Variants in GUCY1A2 observed in about 807,000 individuals in gnomAD.
GUCY1A2 encodes guanylate cyclase soluble subunit alpha-2.
In GUCY1A2, 27 loss-of-function variants were observed where a neutral mutation model predicts 63.5. The ratio of observed to expected loss-of-function variants is 0.43; its 90% CI spans 0.31 to 0.59. The LOEUF (loss-of-function observed/expected upper bound fraction) is 0.59. GUCY1A2 is among the 20% of genes least tolerant of loss of function. The probability of loss-of-function intolerance (pLI) is 0.11; values close to 1 mark genes in which losing one functional copy is unlikely to be tolerated. For missense variants in GUCY1A2, 768 were observed against 913.3 expected, an observed-to-expected ratio of 0.84 and a Z score of 2.05; for synonymous variants, 364 against 343.5, an observed-to-expected ratio of 1.06 and a Z score of -0.66.
chr11:106,953,104 T>A (rs1474043663), intron 3 of GUCY1A2, among the ~76,000 whole-genome samples: 1 of 152,208 alleles, frequency 6.6e-6, no homozygotes, highest in Non-Finnish European at 1.5e-5. Context: ...CCTTGTCTTG[T>A]ACCAGTTTTT....
At position 106,685,292 on chromosome 11, in the gene GUCY1A2, T is replaced by C. The variant is rs1335059662; in HGVS notation, c.*2257A>G. On this transcript the variant is annotated 3_prime_UTR_variant, in exon 8 of 8. Transcript: ENST00000526355. ...GTGATTCTTCTGATAAATTGAGATA[T>C]ATAAATACAATACTTCTCTCCAGGC... The C allele has an allele frequency of 1.5e-5, 3 of 206,204 alleles. No individual in the cohort carries two copies. Among genetic ancestry groups the C allele is most frequent in the East Asian group, 1.5e-4 (2 of 13,478 alleles). The allele number at this position is 206,204 out of a possible 1,614,324, so 12.8% of individuals were successfully genotyped here.
intron 4 of GUCY1A2, among the ~76,000 whole-genome samples, chr11:106,892,123 A>C (rs967174552): frequency 6.6e-6 from 1 of 152,100 alleles, no homozygotes; most frequent in African/African-American, 2.4e-5. Context: ...AGGTATTGGC[A>C]TCCTAAGTAT....
intron 5 of GUCY1A2, among the ~76,000 whole-genome samples, chr11:106,801,850 A>G (rs1260030203): frequency 2.6e-5 from 4 of 152,164 alleles, no homozygotes; most frequent in Non-Finnish European, 5.9e-5. Context: ...TACTCCTACT[A>G]TGTACCCACA....
At chr11:106,709,863 C>T in intron 6 of GUCY1A2, among the ~76,000 whole-genome samples, 1 of 93,868 alleles carries the variant, frequency 1.1e-5, no homozygotes, top group Non-Finnish European at 2.3e-5. Flanking sequence ...ATATTATATA[C>T]ACGTATAGAA....
intron 4 of GUCY1A2, among the ~76,000 whole-genome samples, chr11:106,839,513 A>T (rs1859166244): frequency 6.6e-6 from 1 of 152,100 alleles, no homozygotes; most frequent in Non-Finnish European, 1.5e-5. Flanking sequence ...TACTGGGTAT[A>T]TACCCAAAGG....
chr11:106,712,953 T>C (rs1863146333), intron 6 of GUCY1A2, among the ~76,000 whole-genome samples: 1 of 152,162 alleles, frequency 6.6e-6, no homozygotes. Flanking sequence ...ATGAGGATCC[T>C]TGGAAGATGT....
intron 1 of GUCY1A2, among the ~76,000 whole-genome samples, chr11:107,017,480 G>C (rs972565693): frequency 6.6e-6 from 1 of 152,184 alleles, no homozygotes; most frequent in East Asian, 1.9e-4. Context: ...GTGAAGTAGG[G>C]TTCAAGGCTA....
At chr11:106,790,712 A>C (rs1864643220) in intron 5 of GUCY1A2, among the ~76,000 whole-genome samples, 1 of 152,124 alleles carries the variant, frequency 6.6e-6, no homozygotes, top group Non-Finnish European at 1.5e-5. Context: ...GGGTCCAGCT[A>C]GGACTGGATC....
chr11:107,011,968 C>T (rs1861752275), intron 1 of GUCY1A2, among the ~76,000 whole-genome samples: 3 of 152,012 alleles, frequency 2.0e-5, no homozygotes, highest in Non-Finnish European at 4.4e-5. Flanking sequence ...TCTTAGGCAA[C>T]TGAAATAAAT....
chr11:106,786,400 A>C (rs1163808282), intron 5 of GUCY1A2, among the ~76,000 whole-genome samples: 4 of 152,230 alleles, frequency 2.6e-5, no homozygotes, highest in Non-Finnish European at 5.9e-5. Context: ...GGATATAAAT[A>C]GAACAGTGAT....
intron 4 of GUCY1A2, among the ~76,000 whole-genome samples, chr11:106,815,559 A>G (rs1212910854): frequency 6.6e-6 from 1 of 151,028 alleles, no homozygotes; most frequent in Non-Finnish European, 1.5e-5. Flanking sequence ...AAACAGAAAG[A>G]AAAAGATAAG....
intron 6 of GUCY1A2, among the ~76,000 whole-genome samples, chr11:106,736,926 T>C (rs1591254992): frequency 7.0e-6 from 1 of 143,620 alleles, no homozygotes; most frequent in Non-Finnish European, 1.6e-5. Flanking sequence ...GACAGTCTCT[T>C]TCATCTGGGG....
intron 3 of GUCY1A2, among the ~76,000 whole-genome samples, chr11:106,962,246 G>A (rs542598072): frequency 6.6e-6 from 1 of 152,232 alleles, no homozygotes; most frequent in East Asian, 1.9e-4. Flanking sequence ...TGAGGTCCAT[G>A]ACAGCATGAA....
chr11:106,764,622 A>G (rs1202678437), intron 6 of GUCY1A2, among the ~76,000 whole-genome samples: 1 of 152,144 alleles, frequency 6.6e-6, no homozygotes, highest in Non-Finnish European at 1.5e-5. Context: ...ATAATTATAC[A>G]GGTGTATGTG....
intron 4 of GUCY1A2, among the ~76,000 whole-genome samples, chr11:106,905,636 A>G (rs1375561076): frequency 6.6e-6 from 1 of 152,110 alleles, no homozygotes; most frequent in Non-Finnish European, 1.5e-5. Context: ...AGACCCTGTG[A>G]AGTTGCAGAT....
At chr11:106,921,535 A>C (rs1012140710) in intron 4 of GUCY1A2, among the ~76,000 whole-genome samples, 1 of 152,100 alleles carries the variant, frequency 6.6e-6, no homozygotes, top group East Asian at 1.9e-4. Flanking sequence ...TGACCATACC[A>C]TTCTCCTAGT....
At chr11:106,891,670 G>A (rs2135478432) in intron 4 of GUCY1A2, among the ~76,000 whole-genome samples, 1 of 152,064 alleles carries the variant, frequency 6.6e-6, no homozygotes, top group South Asian at 2.1e-4. Flanking sequence ...TAATGTAAAG[G>A]TCTTCTATTC....
chr11:106,929,307 G>A (rs965967863), intron 4 of GUCY1A2, among the ~76,000 whole-genome samples: 10 of 152,108 alleles, frequency 6.6e-5, no homozygotes, highest in African/African-American at 2.4e-4. Context: ...GCATTTTGAG[G>A]AGCAGAAATT....
At chr11:106,919,411 T>C (rs1471137139) in intron 4 of GUCY1A2, among the ~76,000 whole-genome samples, 1 of 152,124 alleles carries the variant, frequency 6.6e-6, no homozygotes, top group African/African-American at 2.4e-5. Context: ...CTTGGTGAGG[T>C]GATAGATGTG....
Sources: allele counts gnomAD v4.1 joint callset (sites outside exome capture counted in the v4.1 genomes callset), GRCh38; gene constraint gnomAD v4.1.1; transcripts MANE v1.5; gene names NCBI Gene and HGNC (gene_info 2026-07-23, HGNC 2026-07-21).